NAALADL2: variants seen among roughly 807,000 people sequenced by gnomAD.
NAALADL2 encodes the protein inactive N-acetylated-alpha-linked acidic dipeptidase-like protein 2.
In NAALADL2, 76 loss-of-function variants were observed where a neutral mutation model predicts 87.2. The observed-to-expected ratio is 0.87, with a 90% CI of 0.72 to 1.05. The LOEUF is 1.05. NAALADL2 is among the 50% of genes least tolerant of loss of function. The pLI is 0.00. For synonymous variants in NAALADL2, 354 were observed against 331.0 expected, an observed-to-expected ratio of 1.07 and a Z score of -0.75; for missense variants, 1,089 against 945.8, an observed-to-expected ratio of 1.15 and a Z score of -1.99.
intron 1 of NAALADL2, among the ~76,000 whole-genome samples, chr3:174,970,436 G>T (rs1390883345): frequency 6.6e-6 from 1 of 152,088 alleles, no homozygotes; most frequent in Non-Finnish European, 1.5e-5. Context: ...CTCTATTTCA[G>T]TTGCTTTAGG....
chr3:174,792,310 GGGAA>G (rs1225797144), intron 3 of NAALADL2, among the ~76,000 whole-genome samples: 8 of 151,766 alleles, frequency 5.3e-5, no homozygotes, highest in African/African-American at 1.7e-4. Context: ...GAGGCAGGCA[GGGAA>G]GGAAGGAAGG....
At chr3:175,564,624 A>C (rs1367882120) in intron 9 of NAALADL2, among the ~76,000 whole-genome samples, 1 of 152,230 alleles carries the variant, frequency 6.6e-6, no homozygotes, top group Non-Finnish European at 1.5e-5. Flanking sequence ...CCAGTTCCTC[A>C]GCATGGAACA....
At chr3:175,250,190 C>G (rs1438045229) in intron 3 of NAALADL2, among the ~76,000 whole-genome samples, 1 of 148,140 alleles carries the variant, frequency 6.8e-6, no homozygotes, top group Non-Finnish European at 1.5e-5. Context: ...AAAAAAAGAG[C>G]GATTAGTATT....
At chr3:175,698,785 G>C (rs1318910188) in intron 11 of NAALADL2, among the ~76,000 whole-genome samples, 2 of 151,650 alleles carry the variant, frequency 1.3e-5, no homozygotes, top group Admixed American at 1.3e-4. Flanking sequence ...TGTAAGCATA[G>C]AGAATTCAGT....
Position 175,014,071 on chromosome 3 carries a change from G to T in NAALADL2, c.44-82719G>T, listed in dbSNP as rs1750509231. 2.0e-5 allele frequency among the ~76,000 whole-genome samples: 3 copies of T among 152,114 alleles called. No homozygotes were observed. In the South Asian group the frequency reaches 6.2e-4, roughly 32 times the overall value. ...TTAAGCAAGTCATTTAACTTTTACA[G>T]TAGCCACCAGGGCTGTACATGATTA... On this transcript the variant is annotated intron_variant, in intron 1 of 13. Transcript: ENST00000454872.
intron 3 of NAALADL2, among the ~76,000 whole-genome samples, chr3:174,809,725 C>T (rs1184769285): frequency 6.6e-6 from 1 of 151,954 alleles, no homozygotes; most frequent in African/African-American, 2.4e-5. Flanking sequence ...GTTGACATTT[C>T]TTGAATTTCT....
In NAALADL2 at chr3:175,004,064, A is replaced by G. The variant is rs374449041; in HGVS notation, c.44-92726A>G. Among the ~76,000 whole-genome samples the G allele has an allele frequency of 2.6e-5, 4 of 152,296 alleles. No homozygotes were observed. In the South Asian group the frequency reaches 8.3e-4, roughly 32 times the overall value. ...CTCACCTAAGAAACACACAGAGTGT[A>G]CAGTAACCTTTTAATCGAAACATAG... On this transcript the variant is annotated intron_variant, in intron 1 of 13. Transcript: ENST00000454872.
At position 175,569,632 on chromosome 3, in the gene NAALADL2, T is replaced by TCC. The variant is rs1037703032; in HGVS notation, c.1654-6408_1654-6407insCC. Among the ~76,000 whole-genome samples the TCC allele has an allele frequency of 5.9e-5, 9 of 152,210 alleles. No homozygotes were observed. In the Middle Eastern group the frequency reaches 0.01, roughly 173 times the overall value. On this transcript the variant is annotated intron_variant, in intron 9 of 13. Coordinates refer to ENST00000454872, the MANE Select transcript of NAALADL2 (RefSeq NM_207015.3). ...GGTAGATACAAGATCTCTCTCTCTC[T>TCC]CTTTCTGCTCCTCATCACGTAAGGA...
At chr3:175,403,955 G>A (rs1711831359) in intron 5 of NAALADL2, among the ~76,000 whole-genome samples, 1 of 152,026 alleles carries the variant, frequency 6.6e-6, no homozygotes, top group South Asian at 2.1e-4. Flanking sequence ...CAGGTCTTGG[G>A]AATAGTAGTA....
At chr3:175,210,571 A>C (rs1741623542) in intron 2 of NAALADL2, among the ~76,000 whole-genome samples, 1 of 151,860 alleles carries the variant, frequency 6.6e-6, no homozygotes, top group East Asian at 1.9e-4. Context: ...GCTTACATAT[A>C]TTGTTAATGT....
At chr3:174,814,008 T>C (rs1026908714) in intron 3 of NAALADL2, among the ~76,000 whole-genome samples, 10 of 152,204 alleles carry the variant, frequency 6.6e-5, no homozygotes, top group Non-Finnish European at 1.0e-4. Context: ...TAATGATACG[T>C]ATTTCATATA....
At chr3:174,465,412 C>G (rs912238216) in intron 1 of NAALADL2, among the ~76,000 whole-genome samples, 3 of 152,164 alleles carry the variant, frequency 2.0e-5, no homozygotes, top group Non-Finnish European at 4.4e-5. Context: ...CTTATGTTTA[C>G]TGAATGAATT....
At chr3:175,364,121 A>T (rs1581589181) in intron 5 of NAALADL2, among the ~76,000 whole-genome samples, 1 of 147,978 alleles carries the variant, frequency 6.8e-6, no homozygotes, top group African/African-American at 2.5e-5. Flanking sequence ...ACTGATTCAA[A>T]TAAAGAAAAG....
intron 1 of NAALADL2, among the ~76,000 whole-genome samples, chr3:174,973,580 T>C (rs932560955): frequency 2.6e-5 from 4 of 152,218 alleles, no homozygotes; most frequent in African/African-American, 9.6e-5. Context: ...TCATGCCTTG[T>C]TTAACAACAG....
rs539195916 is a variant in NAALADL2, at chr3:174,452,518, G to A, written c.-184+11486G>A. ...AATGCTTTATCTGGCACCACCCATC[G>A]GTGTATAGTGACTGGTGGTCTGAGA... is the stretch of plus-strand genomic sequence containing the variant. On this transcript the variant is annotated intron_variant, in intron 1 of 3. Coordinates refer to the NAALADL2 transcript ENST00000434257. 9.9e-5 allele frequency among the ~76,000 whole-genome samples: 15 copies of A among 152,174 alleles called. No individual in the cohort carries two copies. The East Asian group carries it at 2.5e-3, about 26-fold the overall frequency.
chr3:174,929,284 G>A (rs954364128), intron 1 of NAALADL2, among the ~76,000 whole-genome samples: 2 of 152,160 alleles, frequency 1.3e-5, no homozygotes, highest in Non-Finnish European at 2.9e-5. Context: ...AATCACTGAA[G>A]GATTGCAGTG....
chr3:175,225,686 C>T (rs1386137979), intron 2 of NAALADL2, among the ~76,000 whole-genome samples: 1 of 151,980 alleles, frequency 6.6e-6, no homozygotes, highest in African/African-American at 2.4e-5. Context: ...TATTCACTTA[C>T]TTGAAAAAAA....
intron 9 of NAALADL2, among the ~76,000 whole-genome samples, chr3:175,529,445 G>A (rs529947153): frequency 1.3e-5 from 2 of 152,254 alleles, no homozygotes; most frequent in African/African-American, 2.4e-5. Flanking sequence ...ATGGTGAGTG[G>A]TGCCACTCCC....
chr3:175,310,933 G>GAA (rs367981120), intron 4 of NAALADL2, among the ~76,000 whole-genome samples: 160 of 147,050 alleles, frequency 1.1e-3, no homozygotes, highest in Middle Eastern at 3.6e-3. Flanking sequence ...GTCTACAGAT[G>GAA]AAAAAAAAAA....
Sources: allele counts gnomAD v4.1 joint callset (sites outside exome capture counted in the v4.1 genomes callset), GRCh38; gene constraint gnomAD v4.1.1; transcripts MANE v1.5; gene names NCBI Gene and HGNC (gene_info 2026-07-23, HGNC 2026-07-21).